Variants in NRG1 observed in about 807,000 individuals in gnomAD.
NRG1 encodes the protein pro-neuregulin-1, membrane-bound isoform.
Under a neutral mutation model 63.8 loss-of-function variants are expected in NRG1, and 18 were observed. The ratio of observed to expected loss-of-function variants is 0.28; its 90% confidence interval spans 0.19 to 0.42. The LOEUF is 0.42. NRG1 is among the 10% of genes least tolerant of loss of function. The pLI is 1.00. For synonymous variants in NRG1, 302 were observed against 301.3 expected (o/e 1.00, Z -0.02); for missense variants, 762 against 814.7 (o/e 0.94, Z 0.79).
intron 1 of NRG1, among the ~76,000 whole-genome samples, chr8:32,459,702 A>G (rs1452404796): frequency 6.6e-6 from 1 of 151,898 alleles, no homozygotes; most frequent in African/African-American, 2.4e-5. Flanking sequence ...ATAAAATGAA[A>G]CTCCCTGTCC....
intron 1 of NRG1, among the ~76,000 whole-genome samples, chr8:31,863,889 G>A (rs765729170): frequency 1.3e-5 from 2 of 152,118 alleles, no homozygotes; most frequent in African/African-American, 2.4e-5. Context: ...GCCAGCAATC[G>A]CTATTCTAAG....
chr8:31,668,389 TC>T (rs1299258621), intron 1 of NRG1, among the ~76,000 whole-genome samples: 4 of 152,124 alleles, frequency 2.6e-5, no homozygotes, highest in African/African-American at 9.7e-5. Flanking sequence ...GGCCTTTATA[TC>T]CCCCCAGATG....
chr8:32,755,460 G>A (rs949417644), intron 8 of NRG1, among the ~76,000 whole-genome samples: 3 of 152,146 alleles, frequency 2.0e-5, no homozygotes, highest in African/African-American at 7.2e-5. Flanking sequence ...ATGATTTAGT[G>A]TGTTGCCAGA....
Position 31,640,641 on chromosome 8 carries a change from G to T in NRG1, c.37+1210G>T. On this transcript the variant is annotated intron_variant, in intron 1 of 10. Transcript: ENST00000519301. The surrounding 1 kb of genome is among the most constrained non-coding windows in gnomAD (Gnocchi z 6.3). ...CCGACGCCAACAGCACCAGCCGCGCGCCGGCCGCCTTCCGAGCCTCTTTCC... is the reference window on the plus strand; with the variant it reads ...CCGACGCCAACAGCACCAGCCGCGCTCCGGCCGCCTTCCGAGCCTCTTTCC... 1 of 1,608,904 alleles carries T rather than the reference G, an allele frequency of 6.2e-7. No homozygotes were observed. The highest frequency in any genetic ancestry group is 8.5e-7 in the Non-Finnish European group (1 of 1,178,536).
At chr8:31,917,122 T>C (rs1257942468) in intron 1 of NRG1, among the ~76,000 whole-genome samples, 2 of 109,076 alleles carry the variant, frequency 1.8e-5, no homozygotes. Context: ...GTCAGATGAA[T>C]AGGTTGCGAA....
At chr8:32,686,359 A>G (rs950758125) in intron 5 of NRG1, among the ~76,000 whole-genome samples, 1 of 152,226 alleles carries the variant, frequency 6.6e-6, no homozygotes, top group Non-Finnish European at 1.5e-5. Context: ...GTTTCCCTGT[A>G]TCCCATTAGG....
chr8:31,916,301 G>A (rs1332276052), intron 1 of NRG1, among the ~76,000 whole-genome samples: 6 of 151,920 alleles, frequency 3.9e-5, no homozygotes, highest in African/African-American at 9.7e-5. Context: ...ATGCTGGTGC[G>A]CTGCACCCAC....
chr8:32,066,872 G>A (rs1824915439), intron 1 of NRG1, among the ~76,000 whole-genome samples: 1 of 151,850 alleles, frequency 6.6e-6, no homozygotes, highest in African/African-American at 2.4e-5. Flanking sequence ...GTTGAGCAGT[G>A]GTTTGTAGTT....
At chr8:31,864,592 G>A (rs73578512) in intron 1 of NRG1, among the ~76,000 whole-genome samples, 22,138 of 152,058 alleles carry the variant, frequency 0.15, 2,010 homozygotes, top group Non-Finnish European at 0.19. Flanking sequence ...AAGTGCAGGA[G>A]CAGAAGAATG....
intron 1 of NRG1, among the ~76,000 whole-genome samples, chr8:31,668,687 T>G (rs1293227081): frequency 6.6e-6 from 1 of 152,178 alleles, no homozygotes; most frequent in African/African-American, 2.4e-5. Flanking sequence ...CTTTTTATCT[T>G]TAGTCTTGTA....
Position 31,781,597 on chromosome 8 carries a change from C to A in NRG1, c.37+142166C>A, listed in dbSNP as rs570627522. Among the ~76,000 whole-genome samples the A allele has an allele frequency of 3.4e-4, 52 of 152,116 alleles. No homozygotes were observed. In the Middle Eastern group the frequency reaches 0.024, roughly 70 times the overall value. On this transcript the variant is annotated intron_variant, in intron 1 of 10. Transcript: ENST00000519301. ...CATTGGCCAAAGACAGAAGAGTTCC[C>A]AAAACAGATGTTCAGAGAAGATGGC...
intron 1 of NRG1, among the ~76,000 whole-genome samples, chr8:32,390,173 G>T (rs893310373): frequency 6.6e-6 from 1 of 151,976 alleles, no homozygotes; most frequent in South Asian, 2.1e-4. Flanking sequence ...GTTCTCCTGG[G>T]GTCTCTGGTG....
intron 1 of NRG1, among the ~76,000 whole-genome samples, chr8:31,834,302 C>T (rs62508605): frequency 1.5e-4 from 17 of 111,204 alleles, no homozygotes; most frequent in African/African-American, 2.8e-4. Flanking sequence ...TGTGCGCGCA[C>T]GCGCGCACAC....
At chr8:32,115,966 A>G (rs1832662462) in intron 1 of NRG1, among the ~76,000 whole-genome samples, 2 of 152,120 alleles carry the variant, frequency 1.3e-5, no homozygotes, top group South Asian at 4.1e-4. Flanking sequence ...CCCTACTGCA[A>G]TCTCCTCTTT....
At chr8:32,551,247 G>C (rs1293359693) in intron 1 of NRG1, among the ~76,000 whole-genome samples, 1 of 152,196 alleles carries the variant, frequency 6.6e-6, no homozygotes, top group South Asian at 2.1e-4. Context: ...ATTCACACTT[G>C]CCGTGCCAGC....
At chr8:32,277,731 C>A (rs572615141) in intron 1 of NRG1, among the ~76,000 whole-genome samples, 1 of 152,072 alleles carries the variant, frequency 6.6e-6, no homozygotes, top group African/African-American at 2.4e-5. Flanking sequence ...TGGCAGAGGC[C>A]GGGGATGGTT....
At chr8:32,549,511 AC>A (rs1360034726) in intron 1 of NRG1, among the ~76,000 whole-genome samples, 1 of 152,178 alleles carries the variant, frequency 6.6e-6, no homozygotes, top group Admixed American at 6.5e-5. Flanking sequence ...AGTTCTACAA[AC>A]TTTTGGCTTA....
rs912758435 is a variant in NRG1 at position 32,536,595 on chromosome 8, C to T, written c.38-59233C>T. ...GAGGGGATCATACAGCATGTGTGTA[C>T]CAGGGGACAGGAGTCTTGGGAGTCA... On this transcript the variant is annotated intron_variant, in intron 1 of 10. Coordinates refer to the NRG1 transcript ENST00000519301. 2.2e-4 allele frequency among the ~76,000 whole-genome samples: 33 copies of T among 151,970 alleles called. 1 individual carries two copies. The highest frequency in any genetic ancestry group is 3.2e-3 in the Middle Eastern group (1 of 316).
chr8:32,471,568 T>G (rs566605886), intron 1 of NRG1, among the ~76,000 whole-genome samples: 1 of 152,184 alleles, frequency 6.6e-6, no homozygotes, highest in Non-Finnish European at 1.5e-5. Context: ...AAGTTGAATC[T>G]AGTAGGGTTT....
Sources: allele counts gnomAD v4.1 joint callset (sites outside exome capture counted in the v4.1 genomes callset), GRCh38; gene constraint gnomAD v4.1.1; non-coding constraint Gnocchi (gnomAD v3.1); transcripts MANE v1.5; gene names NCBI Gene and HGNC (gene_info 2026-07-23, HGNC 2026-07-21).